Variants in FOXP1 observed in about 807,000 individuals in gnomAD.
FOXP1 encodes forkhead box protein P1.
A neutral mutation model predicts 98.2 loss-of-function variants in FOXP1; 15 were observed. The ratio of observed to expected loss-of-function variants is 0.15; its 90% CI spans 0.10 to 0.24. FOXP1 has a LOEUF of 0.24. Ranked by LOEUF, FOXP1 falls within the 10% of genes least tolerant of loss-of-function variation. The pLI is 1.00. For synonymous variants in FOXP1, 371 were observed against 314.5 expected, an observed-to-expected ratio of 1.18 and a Z score of -1.90; for missense variants, 633 against 848.5, an observed-to-expected ratio of 0.75 and a Z score of 3.15.
At chr3:71,298,285 T>A (rs1434752074) in intron 5 of FOXP1, among the ~76,000 whole-genome samples, 5 of 151,714 alleles carry the variant, frequency 3.3e-5, no homozygotes, top group Non-Finnish European at 7.4e-5. Flanking sequence ...ACCAACATGG[T>A]GAAACCCCGC....
At chr3:71,099,859 C>A (rs2056805925) in intron 7 of FOXP1, among the ~76,000 whole-genome samples, 1 of 152,118 alleles carries the variant, frequency 6.6e-6, no homozygotes, top group Non-Finnish European at 1.5e-5. Flanking sequence ...TGTAAAAGAT[C>A]CTGTGGCTTT....
At chr3:71,523,586 G>A (rs970400751) in intron 2 of FOXP1, among the ~76,000 whole-genome samples, 6 of 152,052 alleles carry the variant, frequency 3.9e-5, no homozygotes, top group African/African-American at 1.2e-4. Context: ...TTTATTTTGC[G>A]GTGACATCCC....
intron 5 of FOXP1, among the ~76,000 whole-genome samples, chr3:71,232,896 A>AAAAAAAAAAAAAAAAAAAAAAAAAAAAT (rs2066431600): frequency 7.4e-6 from 1 of 135,566 alleles, no homozygotes; most frequent in African/African-American, 2.7e-5. Flanking sequence ...AAAAAAAAAA[A>AAAAAAAAAAAAAAAAAAAAAAAAAAAAT]GCAAGAAAAA....
chr3:71,321,239 G>C (rs1309517859), intron 4 of FOXP1, among the ~76,000 whole-genome samples: 1 of 152,020 alleles, frequency 6.6e-6, no homozygotes, highest in Non-Finnish European at 1.5e-5. Flanking sequence ...CTTAACTTCA[G>C]CTTTAATGAT....
At chr3:71,373,175 T>G (rs1378839102) in intron 3 of FOXP1, among the ~76,000 whole-genome samples, 1 of 152,230 alleles carries the variant, frequency 6.6e-6, no homozygotes, top group Non-Finnish European at 1.5e-5. Flanking sequence ...CCTTTTAAGA[T>G]AGTACACCCA....
At chr3:71,333,389 C>T (rs1300605532) in intron 4 of FOXP1, 1 of 101,496 alleles carries the variant, frequency 9.9e-6, no homozygotes, top group African/African-American at 2.7e-5. Context: ...AAATTCTATA[C>T]AAAGTGATAA....
intron 3 of FOXP1, among the ~76,000 whole-genome samples, chr3:71,387,316 A>G (rs910526857): frequency 9.2e-5 from 14 of 152,228 alleles, no homozygotes; most frequent in African/African-American, 3.4e-4. Context: ...TCAGAACACC[A>G]AAGTCTAAAA....
At chr3:71,101,836 C>T (rs1236388257) in intron 7 of FOXP1, among the ~76,000 whole-genome samples, 1 of 152,088 alleles carries the variant, frequency 6.6e-6, no homozygotes, top group Non-Finnish European at 1.5e-5. Context: ...TTACCATGAA[C>T]ACCGCTAAAC....
chr3:71,173,852 G>A (rs190496126), intron 6 of FOXP1, among the ~76,000 whole-genome samples: 5 of 152,308 alleles, frequency 3.3e-5, no homozygotes, highest in African/African-American at 1.2e-4. Context: ...TTTAAGGAAT[G>A]GGAGTTGGGA....
At chr3:71,418,239 G>GA in intron 3 of FOXP1, among the ~76,000 whole-genome samples, 1 of 151,890 alleles carries the variant, frequency 6.6e-6, no homozygotes, top group East Asian at 1.9e-4. Context: ...TGTCTCTAAT[G>GA]ACAAAATCTG....
At chr3:71,092,378 A>C (rs767682921) in intron 7 of FOXP1, among the ~76,000 whole-genome samples, 10 of 151,958 alleles carry the variant, frequency 6.6e-5, no homozygotes, top group Non-Finnish European at 1.2e-4. Context: ...TCCATCTCAA[A>C]AAAAGAAAAA....
intron 3 of FOXP1, among the ~76,000 whole-genome samples, chr3:71,384,061 A>G (rs2080383668): frequency 6.6e-6 from 1 of 152,128 alleles, no homozygotes; most frequent in Non-Finnish European, 1.5e-5. Flanking sequence ...TACTAAAAAT[A>G]CAAAAAAATT....
intron 2 of FOXP1, among the ~76,000 whole-genome samples, chr3:71,558,686 G>A (rs1475172913): frequency 6.6e-6 from 1 of 151,058 alleles, no homozygotes; most frequent in Non-Finnish European, 1.5e-5. Context: ...GTAGAGACGG[G>A]GTTTCACTAT....
chr3:71,372,083 G>C (rs1038368425), intron 3 of FOXP1, among the ~76,000 whole-genome samples: 3 of 151,244 alleles, frequency 2.0e-5, no homozygotes, highest in Non-Finnish European at 4.4e-5. Flanking sequence ...CACGATCTCA[G>C]CTCACTGCAA....
At chr3:71,309,196 C>A (rs1477619412) in intron 4 of FOXP1, among the ~76,000 whole-genome samples, 1 of 152,206 alleles carries the variant, frequency 6.6e-6, no homozygotes, top group Non-Finnish European at 1.5e-5. Flanking sequence ...ATCTATCCAT[C>A]TCGATCCATC....
chr3:71,109,735 G>C (rs2057752434), intron 7 of FOXP1, among the ~76,000 whole-genome samples: 1 of 152,130 alleles, frequency 6.6e-6, no homozygotes, highest in South Asian at 2.1e-4. Context: ...ATGTGACCTA[G>C]GATAGTAATT....
intron 2 of FOXP1, among the ~76,000 whole-genome samples, chr3:71,525,934 G>C (rs2043344645): frequency 6.6e-6 from 1 of 152,014 alleles, no homozygotes; most frequent in South Asian, 2.1e-4. Flanking sequence ...TGGCCAACAT[G>C]GTAAAACCCC....
At chr3:71,188,407 AT>A (rs11321568) in intron 6 of FOXP1, among the ~76,000 whole-genome samples, 10,788 of 144,020 alleles carry the variant, frequency 0.075, 563 homozygotes, top group African/African-American at 0.15. Context: ...TTTTTTCTTT[AT>A]TTTTTTTTTC....
rs2055778037 is a variant in FOXP1, at chr3:71,091,114, T to TGC, written c.282+21421_282+21422insGC. 3.2e-5 allele frequency among the ~76,000 whole-genome samples: 4 copies of TGC among 126,912 alleles called. 1 individual carries two copies. The South Asian group carries it at 1.1e-3, about 36-fold the overall frequency. 83.3% of individuals were successfully genotyped at this position (126,912 alleles called of 152,430 possible). ...GCCAGATTCTGTGTGTGTGTGTGTG[T>TGC]GTGTGTGTGTGTGTGTGTATTCTTA... On this transcript the variant is annotated intron_variant, in intron 7 of 20. Transcript: ENST00000649528.
Sources: allele counts gnomAD v4.1 joint callset (sites outside exome capture counted in the v4.1 genomes callset), GRCh38; gene constraint gnomAD v4.1.1; transcripts MANE v1.5; gene names NCBI Gene and HGNC (gene_info 2026-07-23, HGNC 2026-07-21).